The following NAALADL2 variants were observed in gnomAD, a reference collection of about 807,000 sequenced individuals.
The protein encoded by NAALADL2 is inactive N-acetylated-alpha-linked acidic dipeptidase-like protein 2.
A neutral mutation model predicts 87.2 loss-of-function variants in NAALADL2; 76 were observed. The observed-to-expected ratio is 0.87, with a 90% confidence interval of 0.72 to 1.05. NAALADL2 has a LOEUF of 1.05. NAALADL2 is among the 50% of genes least tolerant of loss of function. The probability of loss-of-function intolerance (pLI) is 0.00; values close to 1 mark genes in which losing one functional copy is unlikely to be tolerated. For missense variants in NAALADL2, 1,089 were observed against 945.8 expected, an observed-to-expected ratio of 1.15 and a Z score of -1.99; for synonymous variants, 354 against 331.0, an observed-to-expected ratio of 1.07 and a Z score of -0.75.
intron 2 of NAALADL2, among the ~76,000 whole-genome samples, chr3:175,138,984 G>C (rs58225446): frequency 0.016 from 2,378 of 145,042 alleles, 44 homozygotes; most frequent in Middle Eastern, 0.058. Context: ...CTTTTCAAGA[G>C]TTGCAAAAAT....
rs181410384 is a variant in NAALADL2 at position 175,689,081 on chromosome 3, A to G, written c.1897-48225A>G. The stretch of plus-strand genomic sequence containing the variant: ...TGTTTTTTTAGATGAAGTTAATTTT[A>G]TGGAAATATCTGACAAAGGTTTTAA... On this transcript the variant is annotated intron_variant, in intron 11 of 13. Coordinates refer to ENST00000454872, the MANE Select transcript of NAALADL2 (RefSeq NM_207015.3). 1.1e-3 allele frequency among the ~76,000 whole-genome samples: 160 copies of G among 152,316 alleles called. 1 individual carries two copies. The highest frequency in any genetic ancestry group is 2.8e-4 in the Non-Finnish European group (19 of 68,026).
intron 1 of NAALADL2, among the ~76,000 whole-genome samples, chr3:174,974,395 G>A (rs774284046): frequency 6.6e-6 from 1 of 152,124 alleles, no homozygotes; most frequent in East Asian, 1.9e-4. Flanking sequence ...GGCATCCCAG[G>A]TACAAGCAAT....
intron 1 of NAALADL2, among the ~76,000 whole-genome samples, chr3:175,067,928 G>T (rs553314419): frequency 6.6e-6 from 1 of 152,102 alleles, no homozygotes; most frequent in African/African-American, 2.4e-5. Context: ...ATGAAATGAA[G>T]TCTTTGAAAC....
At chr3:175,027,834 T>G (rs2108896393) in intron 1 of NAALADL2, among the ~76,000 whole-genome samples, 1 of 152,220 alleles carries the variant, frequency 6.6e-6, no homozygotes, top group South Asian at 2.1e-4. Context: ...ATGGTTGCTT[T>G]TTAAGCTTTC....
Position 174,524,834 on chromosome 3 carries a change from G to A in NAALADL2, c.-183-25735G>A, listed in dbSNP as rs111234139. 9.3e-3 allele frequency among the ~76,000 whole-genome samples: 1,421 copies of A among 152,168 alleles called. 18 individuals carry two copies. Among genetic ancestry groups the A allele is most frequent in the African/African-American group, 0.033 (1,369 of 41,520 alleles). On this transcript the variant is annotated intron_variant, in intron 1 of 3. Transcript: ENST00000434257. ...GGATTACAAGTGTGAGCCACCATGC[G>A]CGGCCTATAAGATTATAATAGAACT... is the stretch of plus-strand genomic sequence containing the variant.
intron 1 of NAALADL2, among the ~76,000 whole-genome samples, chr3:174,953,204 T>C (rs895212052): frequency 1.3e-5 from 2 of 151,812 alleles, no homozygotes; most frequent in Admixed American, 1.3e-4. Context: ...TCAGAACTTA[T>C]AACCTCAACT....
chr3:175,696,785 C>G (rs1233648332), intron 11 of NAALADL2, among the ~76,000 whole-genome samples: 1 of 152,114 alleles, frequency 6.6e-6, no homozygotes, highest in Admixed American at 6.6e-5. Context: ...GTTCTGGCAG[C>G]TGGGAAGTCC....
intron 2 of NAALADL2, among the ~76,000 whole-genome samples, chr3:175,155,194 G>T (rs1452685625): frequency 3.9e-5 from 6 of 152,016 alleles, no homozygotes; most frequent in African/African-American, 1.2e-4. Flanking sequence ...GTGGGGCCTG[G>T]GTATCAGCAG....
chr3:175,627,433 C>A, intron 11 of NAALADL2, 47 bp downstream of exon 11: 1 of 1,245,202 alleles, frequency 8.0e-7, no homozygotes, highest in Non-Finnish European at 1.1e-6. Flanking sequence ...ATTTGTTCTT[C>A]TTTATTGGTA....
At chr3:175,352,874 T>C (rs73184783) in intron 5 of NAALADL2, among the ~76,000 whole-genome samples, 21,993 of 151,920 alleles carry the variant, frequency 0.14, 1,695 homozygotes, top group Non-Finnish European at 0.17. Context: ...GAAGAATCTT[T>C]CGTCCAACGT....
chr3:174,686,681 A>C (rs1450153555), intron 2 of NAALADL2, among the ~76,000 whole-genome samples: 1 of 152,142 alleles, frequency 6.6e-6, no homozygotes, highest in Non-Finnish European at 1.5e-5. Flanking sequence ...GGGAAAAACA[A>C]GCAATGGGGA....
At chr3:174,597,290 G>A (rs192696951) in intron 2 of NAALADL2, among the ~76,000 whole-genome samples, 2 of 152,154 alleles carry the variant, frequency 1.3e-5, no homozygotes, top group African/African-American at 4.8e-5. Flanking sequence ...TTTGCCCAGG[G>A]TTGTCATTGT....
chr3:174,717,541 A>G (rs1731297387), intron 2 of NAALADL2, among the ~76,000 whole-genome samples: 1 of 152,176 alleles, frequency 6.6e-6, no homozygotes, highest in Admixed American at 6.5e-5. Flanking sequence ...AGTAGGCCAA[A>G]TGTGTGCTTT....
intron 9 of NAALADL2, among the ~76,000 whole-genome samples, chr3:175,565,592 C>A (rs1309956931): frequency 6.6e-6 from 1 of 150,590 alleles, no homozygotes; most frequent in African/African-American, 2.4e-5. Context: ...GTTGTCCATT[C>A]CCAAAACCTC....
intron 5 of NAALADL2, among the ~76,000 whole-genome samples, chr3:175,340,361 T>G (rs1204490365): frequency 6.6e-6 from 1 of 152,118 alleles, no homozygotes; most frequent in Admixed American, 6.6e-5. Flanking sequence ...ATGATTCATA[T>G]CAGGATGGAA....
At chr3:175,133,736 GGGGAGA>G (rs896013366) in intron 2 of NAALADL2, among the ~76,000 whole-genome samples, 4 of 152,090 alleles carry the variant, frequency 2.6e-5, no homozygotes, top group African/African-American at 9.7e-5. Context: ...GGGAGACCGT[GGGGAGA>G]GGGAGAGGGA....
intron 3 of NAALADL2, among the ~76,000 whole-genome samples, chr3:174,846,536 G>A (rs1462620227): frequency 6.6e-6 from 1 of 152,124 alleles, no homozygotes; most frequent in East Asian, 1.9e-4. Context: ...AGTTTAGTTA[G>A]TAGTATCTAC....
intron 4 of NAALADL2, among the ~76,000 whole-genome samples, chr3:175,285,252 G>T (rs1273129036): frequency 1.3e-5 from 2 of 152,076 alleles, no homozygotes; most frequent in Non-Finnish European, 2.9e-5. Context: ...AGAAATATTG[G>T]TTACTTGTTT....
chr3:175,073,770 T>C (rs1716079535), intron 1 of NAALADL2, among the ~76,000 whole-genome samples: 1 of 152,078 alleles, frequency 6.6e-6, no homozygotes, highest in African/African-American at 2.4e-5. Flanking sequence ...CTAGTGGTTA[T>C]TGTGGTGCTG....
Sources: gnomAD v4.1 joint callset for allele counts (sites outside exome capture counted in the v4.1 genomes callset) on GRCh38, gnomAD v4.1.1 for gene constraint, MANE v1.5 for transcripts, NCBI Gene and HGNC (gene_info 2026-07-23, HGNC 2026-07-21) for gene names.